SOX6: variants seen among roughly 807,000 people sequenced by gnomAD.
SOX6 encodes the protein transcription factor SOX-6.
In SOX6, 11 loss-of-function variants were observed where a neutral mutation model predicts 97.8. The ratio of observed to expected loss-of-function variants is 0.11; its 90% confidence interval spans 0.07 to 0.19. The LOEUF is 0.19. Among genes scored for constraint, SOX6 ranks in the 10% least tolerant of loss-of-function variants. The probability of loss-of-function intolerance (pLI) is 1.00; values close to 1 mark genes in which losing one functional copy is unlikely to be tolerated. For synonymous variants in SOX6, 360 were observed against 371.4 expected (o/e 0.97, Z 0.35); for missense variants, 810 against 1,039.5 (o/e 0.78, Z 3.04).
chr11:16,705,645 T>C (rs73421107), intron 3 of SOX6, among the ~76,000 whole-genome samples: 3,526 of 152,032 alleles, frequency 0.023, 143 homozygotes, highest in African/African-American at 0.081. Flanking sequence ...AAAAAAACTA[T>C]GTTAATGGGC....
intron 4 of SOX6, among the ~76,000 whole-genome samples, chr11:16,502,494 G>C (rs1347220219): frequency 2.0e-5 from 3 of 151,522 alleles, no homozygotes; most frequent in Non-Finnish European, 4.4e-5. Flanking sequence ...ATTCAGGAGA[G>C]AAATGAGAAA....
intron 12 of SOX6, among the ~76,000 whole-genome samples, chr11:16,034,732 C>G (rs562617093): frequency 1.3e-5 from 2 of 152,288 alleles, no homozygotes; most frequent in African/African-American, 2.4e-5. Flanking sequence ...CACTGTCATA[C>G]AGACCGTCTC....
chr11:16,538,155 G>C (rs1276718362), intron 4 of SOX6, among the ~76,000 whole-genome samples: 1 of 152,088 alleles, frequency 6.6e-6, no homozygotes, highest in Non-Finnish European at 1.5e-5. Context: ...AGCCAGAAGA[G>C]GGAGGGGCCA....
intron 12 of SOX6, among the ~76,000 whole-genome samples, chr11:16,026,670 C>T (rs1050332040): frequency 1.3e-5 from 2 of 152,010 alleles, no homozygotes; most frequent in African/African-American, 4.8e-5. Context: ...CTGTTATCCT[C>T]CTTCTAGGAA....
At chr11:16,457,193 TTAA>T (rs1859826233) in intron 1 of SOX6, among the ~76,000 whole-genome samples, 1 of 152,098 alleles carries the variant, frequency 6.6e-6, no homozygotes, top group South Asian at 2.1e-4. Flanking sequence ...TGCATAAAAC[TTAA>T]TAATCCTAAT....
intron 3 of SOX6, among the ~76,000 whole-genome samples, chr11:16,249,423 G>A (rs1441228473): frequency 1.3e-5 from 2 of 152,022 alleles, no homozygotes; most frequent in Admixed American, 1.3e-4. Context: ...CTCCATCTGA[G>A]CCCACTTCAG....
intron 1 of SOX6, among the ~76,000 whole-genome samples, chr11:16,417,089 T>C (rs1049142532): frequency 6.6e-6 from 1 of 152,128 alleles, no homozygotes; most frequent in African/African-American, 2.4e-5. Context: ...TTGCTTTTGT[T>C]GAGGAAGAAC....
intron 4 of SOX6, among the ~76,000 whole-genome samples, chr11:16,225,567 G>A (rs1199952241): frequency 6.6e-6 from 1 of 151,872 alleles, no homozygotes; most frequent in Non-Finnish European, 1.5e-5. Flanking sequence ...AGGGCCTTAT[G>A]ATAGAAATGA....
intron 10 of SOX6, among the ~76,000 whole-genome samples, chr11:16,050,693 T>C (rs1284708125): frequency 1.3e-5 from 2 of 152,200 alleles, no homozygotes; most frequent in East Asian, 1.9e-4. Flanking sequence ...TGAGACAGTA[T>C]TCAAATATCT....
At chr11:16,046,365 C>T in intron 12 of SOX6, 149 bp downstream of exon 12, 1 of 818,032 alleles carries the variant, frequency 1.2e-6, no homozygotes, top group Non-Finnish European at 2.1e-6. Flanking sequence ...ACAGATGCTA[C>T]ATGACAGATT....
Position 16,693,037 on chromosome 11 carries a change from T to C in SOX6, n.429+21793A>G, listed in dbSNP as rs117474248. On this transcript the variant is annotated intron_variant and non_coding_transcript_variant, in intron 3 of 5. Transcript: ENST00000524520. Reference sequence around the variant, plus strand: ...AGCATTTTCCACTTTTCATTTTCCATTCCCATTAATGATGTGATGGGTATA... The same window carrying C: ...AGCATTTTCCACTTTTCATTTTCCACTCCCATTAATGATGTGATGGGTATA... Among the ~76,000 whole-genome samples, 1,386 of 152,304 alleles carry C rather than the reference T, an allele frequency of 9.1e-3. 7 individuals are homozygous for C. Among genetic ancestry groups the C allele is most frequent in the Non-Finnish European group, 0.014 (945 of 67,996 alleles).
chr11:16,207,251 C>G (rs1224824765), intron 4 of SOX6, among the ~76,000 whole-genome samples: 1 of 152,048 alleles, frequency 6.6e-6, no homozygotes, highest in Non-Finnish European at 1.5e-5. Flanking sequence ...AATGTATAAA[C>G]AAAGTATTAT....
chr11:16,297,773 A>G (rs375419343), intron 3 of SOX6, among the ~76,000 whole-genome samples: 7 of 152,312 alleles, frequency 4.6e-5, no homozygotes, highest in Admixed American at 4.6e-4. Context: ...AATAGACTCA[A>G]CATTATTAAA....
chr11:16,451,639 A>T (rs567616313), intron 1 of SOX6, among the ~76,000 whole-genome samples: 29 of 152,262 alleles, frequency 1.9e-4, no homozygotes, highest in Middle Eastern at 3.4e-3. Context: ...CCATCCTGTC[A>T]GTGCAGCTGG....
chr11:16,710,149 C>T (rs1848166719), intron 3 of SOX6, among the ~76,000 whole-genome samples: 1 of 152,048 alleles, frequency 6.6e-6, no homozygotes, highest in South Asian at 2.1e-4. Context: ...TATAGGTTTT[C>T]ACTAAAGAGC....
At chr11:16,735,544 T>G (rs1371033798) in intron 2 of SOX6, among the ~76,000 whole-genome samples, 1 of 152,210 alleles carries the variant, frequency 6.6e-6, no homozygotes, top group Non-Finnish European at 1.5e-5. Flanking sequence ...CTTCCTGACA[T>G]ATATGAAGCA....
At chr11:16,521,088 A>G (rs1419636701) in intron 4 of SOX6, among the ~76,000 whole-genome samples, 1 of 152,204 alleles carries the variant, frequency 6.6e-6, no homozygotes, top group Non-Finnish European at 1.5e-5. Context: ...TAACCTCTGC[A>G]GACTTAAATG....
chr11:16,706,454 A>C (rs1848133240), intron 3 of SOX6, among the ~76,000 whole-genome samples: 1 of 11,796 alleles, frequency 8.5e-5, no homozygotes, highest in Non-Finnish European at 1.7e-4. Context: ...TATCACAAAA[A>C]AAAAAAAAAA....
intron 6 of SOX6, among the ~76,000 whole-genome samples, chr11:16,152,018 T>C (rs1247749165): frequency 6.6e-6 from 1 of 152,168 alleles, no homozygotes; most frequent in Non-Finnish European, 1.5e-5. Flanking sequence ...ACATAATAAG[T>C]TGTCTAAAGT....
Sources: gnomAD v4.1 joint callset for allele counts (sites outside exome capture counted in the v4.1 genomes callset) on GRCh38, gnomAD v4.1.1 for gene constraint, MANE v1.5 for transcripts, NCBI Gene and HGNC (gene_info 2026-07-23, HGNC 2026-07-21) for gene names.